MAVS: variants seen among roughly 807,000 people sequenced by gnomAD.
MAVS encodes mitochondrial antiviral signaling protein.
Under a neutral mutation model 30.2 loss-of-function variants are expected in MAVS, and 20 were observed. The ratio of observed to expected loss-of-function variants is 0.66; its 90% confidence interval spans 0.47 to 0.96. The LOEUF (loss-of-function observed/expected upper bound fraction) is 0.96. Ranked by LOEUF, MAVS falls within the 40% of genes least tolerant of loss-of-function variation. The probability of loss-of-function intolerance (pLI) is 0.00; values close to 1 mark genes in which losing one functional copy is unlikely to be tolerated. For missense variants in MAVS, 624 were observed against 701.1 expected (o/e 0.89, Z 1.24); for synonymous variants, 278 against 293.9 (o/e 0.95, Z 0.55).
chr20:3,865,076 G>T lies in MAVS; in HGVS notation c.1158+288G>T, dbSNP rs2089896226. On this transcript the variant is annotated intron_variant, in intron 6 of 6. Coordinates refer to ENST00000428216, the MANE Select transcript of MAVS (RefSeq NM_020746.5). This position sits in a 1 kb window ranked among gnomAD's most constrained non-coding sequence, Gnocchi z 4.7. ...TGTATAAGTTCATTTAGGGCTCGTA[G>T]TTCCTAGTGAAGCCGAGCGGTGCCG... Among the ~76,000 whole-genome samples the T allele has an allele frequency of 6.6e-6, 1 of 152,244 alleles. No individual in the cohort carries two copies. The highest frequency in any genetic ancestry group is 1.5e-5 in the Non-Finnish European group (1 of 68,038).
chr20:3,859,523 C>CA (rs1413437040), intron 3 of MAVS, among the ~76,000 whole-genome samples: 33 of 145,544 alleles, frequency 2.3e-4, no homozygotes, highest in African/African-American at 6.6e-4. Context: ...AAAAAAAACC[C>CA]AAAAATAGTG....
intron 1 of MAVS, among the ~76,000 whole-genome samples, chr20:3,847,927 G>A (rs759289027): frequency 6.6e-6 from 1 of 152,192 alleles, no homozygotes; most frequent in Non-Finnish European, 1.5e-5. Flanking sequence ...ACCTTAGGAT[G>A]TGCCTGTCTA....
chr20:3,853,043 C>T (rs1379084922), intron 1 of MAVS, among the ~76,000 whole-genome samples: 1 of 149,992 alleles, frequency 6.7e-6, no homozygotes, highest in Non-Finnish European at 1.5e-5. Context: ...GTTTCACCAT[C>T]TTGGCCAAGT....
intron 5 of MAVS, 148 bp from the exon 6 acceptor site, chr20:3,864,108 A>G (rs1472109962): frequency 3.4e-6 from 3 of 882,182 alleles, no homozygotes; most frequent in East Asian, 4.9e-5. Flanking sequence ...CAGTGACCAA[A>G]GGGACTGTGG....
chr20:3,852,690 A>ATTATTT (rs1268948532), intron 1 of MAVS, among the ~76,000 whole-genome samples: 2 of 151,938 alleles, frequency 1.3e-5, no homozygotes, highest in Admixed American at 1.3e-4. Context: ...TTGGTCTTCA[A>ATTATTT]TTATTTTTAT....
Position 3,864,319 on chromosome 20 carries a change from T to C in MAVS, c.689T>C (p.Leu230Pro), listed in dbSNP as rs756707640. 17 of 1,614,014 alleles carry C rather than the reference T, an allele frequency of 1.1e-5. No individual in the cohort carries two copies. Among genetic ancestry groups the C allele is most frequent in the South Asian group, 3.3e-5 (3 of 91,080 alleles). The change falls in exon 6 of 7, where the codon CTG becomes CCG. Residue 230 changes from leucine (L) to proline (P), a missense_variant. By Grantham distance (98) the Leu-to-Pro change is moderately conservative. Coordinates refer to ENST00000428216, the MANE Select transcript of MAVS (RefSeq NM_020746.5). ...PVSPSVSFQP[L>P]ARSTPRASRL... ...TCTCCATCTGTCTCCTTCCAGCCCCTGGCCCGTTCCACCCCCAGGGCAAGC... is the reference window on the plus strand; with the variant it reads ...TCTCCATCTGTCTCCTTCCAGCCCCCGGCCCGTTCCACCCCCAGGGCAAGC...
chr20:3,854,781 C>T (rs377480589), intron 2 of MAVS, 40 bp downstream of exon 2: 2 of 1,450,460 alleles, frequency 1.4e-6, no homozygotes, highest in East Asian at 4.6e-5. Context: ...GGCCTGGGGG[C>T]AGGGCTGTGG....
chr20:3,855,366 G>C (rs2089801073), intron 2 of MAVS, among the ~76,000 whole-genome samples: 2 of 151,970 alleles, frequency 1.3e-5, no homozygotes, highest in South Asian at 4.1e-4. Context: ...CATCTCTCTT[G>C]CCCTTCCTTG....
chr20:3,854,478 G>A (rs2089791956), intron 1 of MAVS, 80 bp from the exon 2 acceptor site: 1 of 430,502 alleles, frequency 2.3e-6, no homozygotes, highest in Non-Finnish European at 4.1e-6. Flanking sequence ...ATTCCAAAAA[G>A]TTGAGAAAGA....
chr20:3,861,019 G>C (rs1006769324), intron 3 of MAVS, among the ~76,000 whole-genome samples: 2 of 139,876 alleles, frequency 1.4e-5, no homozygotes, highest in Admixed American at 1.5e-4. Context: ...TTTAGACGGA[G>C]TCTCGCTCTG....
At chr20:3,861,125 T>A (rs1244251760) in intron 3 of MAVS, among the ~76,000 whole-genome samples, 2 of 152,118 alleles carry the variant, frequency 1.3e-5, no homozygotes, top group Non-Finnish European at 2.9e-5. Flanking sequence ...CCTGAGTAGC[T>A]GGGACTACAG....
At chr20:3,856,513 G>T (rs937637972) in intron 2 of MAVS, among the ~76,000 whole-genome samples, 6 of 151,606 alleles carry the variant, frequency 4.0e-5, no homozygotes, top group Non-Finnish European at 8.8e-5. Context: ...TACCACACCC[G>T]GCTAATTTTT....
At position 3,874,202 on chromosome 20, in the gene MAVS, C is replaced by T. The variant is rs1257363237; in HGVS notation, c.*8055C>T. The T allele has an allele frequency of 1.5e-5, 6 of 398,516 alleles. No homozygotes were observed. 24.7% of individuals were successfully genotyped at this position (398,516 alleles called of 1,614,324 possible). On this transcript the variant is annotated 3_prime_UTR_variant, in exon 7 of 7. Transcript: ENST00000428216. ...AAGAGAGAATTCATTGTATGATTCT[C>T]TTCCTACAAAAAGTACAGAAATAAG...
intron 1 of MAVS, among the ~76,000 whole-genome samples, chr20:3,854,348 C>T (rs2089790300): frequency 7.0e-6 from 1 of 142,250 alleles, no homozygotes; most frequent in African/African-American, 2.7e-5. Context: ...TCAATTGAAC[C>T]CAGGAGGCGG....
At chr20:3,853,205 G>A (rs1260670267) in intron 1 of MAVS, among the ~76,000 whole-genome samples, 1 of 148,274 alleles carries the variant, frequency 6.7e-6, no homozygotes, top group African/African-American at 2.5e-5. Flanking sequence ...TAAAGATGGC[G>A]GCCGGGCGCG....
Position 3,850,145 on chromosome 20 carries a change from C to T in MAVS, c.-68+3242C>T, listed in dbSNP as rs1225340824. ...ACAAAAAATTAGCCGAGCGTGGTAGCAGGCGCCTGTAGTCCCAGCTACTTG... is the reference window on the plus strand; with the variant it reads ...ACAAAAAATTAGCCGAGCGTGGTAGTAGGCGCCTGTAGTCCCAGCTACTTG... On this transcript the variant is annotated intron_variant, in intron 1 of 6. Coordinates refer to ENST00000428216, the MANE Select transcript of MAVS (RefSeq NM_020746.5). 5.3e-5 allele frequency among the ~76,000 whole-genome samples: 8 copies of T among 151,556 alleles called. No homozygotes were observed. In the South Asian group the frequency reaches 1.7e-3, roughly 32 times the overall value.
intron 1 of MAVS, among the ~76,000 whole-genome samples, chr20:3,851,990 C>CTTTTTTTTT (rs770960832): frequency 3.7e-5 from 3 of 80,486 alleles, no homozygotes; most frequent in African/African-American, 3.5e-4. Context: ...GTGTAGCAGG[C>CTTTTTTTTT]TTTTTTTTTT....
At chr20:3,860,867 G>A (rs1235744005) in intron 3 of MAVS, among the ~76,000 whole-genome samples, 1 of 151,950 alleles carries the variant, frequency 6.6e-6, no homozygotes, top group Non-Finnish European at 1.5e-5. Flanking sequence ...AGTAGAGACG[G>A]GGTTTCACTA....
chr20:3,862,481 C>T (rs1223645757), intron 5 of MAVS, 68 bp downstream of exon 5: 9 of 1,485,614 alleles, frequency 6.1e-6, no homozygotes, highest in Non-Finnish European at 7.2e-6. Context: ...TTAGAGTTGC[C>T]CCATCTGGCT....
Sources: allele counts gnomAD v4.1 joint callset (sites outside exome capture counted in the v4.1 genomes callset), GRCh38; gene constraint gnomAD v4.1.1; non-coding constraint Gnocchi (gnomAD v3.1); transcripts MANE v1.5; gene names NCBI Gene and HGNC (gene_info 2026-07-23, HGNC 2026-07-21).